Variants in CCSER1 observed in about 807,000 individuals in gnomAD.
The protein encoded by CCSER1 is coiled-coil serine rich protein 1, also known as serine-rich coiled-coil domain-containing protein 1.
CCSER1 carries 41 observed loss-of-function variants against 82.0 expected under a neutral mutation model. That is an observed-to-expected ratio of 0.50 (90% CI 0.39 to 0.65). The LOEUF is 0.65. Among genes scored for constraint, CCSER1 ranks in the 30% least tolerant of loss-of-function variants. The pLI is 0.00. For synonymous variants in CCSER1, 414 were observed against 383.9 expected (o/e 1.08, Z -0.92); for missense variants, 1,119 against 1,064.2 (o/e 1.05, Z -0.72).
chr4:90,262,081 AT>A (rs1183544730), intron 1 of CCSER1, among the ~76,000 whole-genome samples: 1 of 151,764 alleles, frequency 6.6e-6, no homozygotes, highest in Non-Finnish European at 1.5e-5. Context: ...AACCTTCTGA[AT>A]TTTTATTTGC....
chr4:90,251,586 G>A lies in CCSER1; in HGVS notation c.-41-56658G>A, dbSNP rs547662809. ...TCTGGAAAAATTCCACTTCCTCATG[G>A]TGTATGACCTTTTTATTATGTTGCT... is the stretch of plus-strand genomic sequence containing the variant. On this transcript the variant is annotated intron_variant, in intron 1 of 10. Coordinates refer to ENST00000509176, the MANE Select transcript of CCSER1 (RefSeq NM_001145065.2). Among the ~76,000 whole-genome samples the A allele has an allele frequency of 3.7e-4, 56 of 151,870 alleles. 3 individuals carry two copies. The South Asian group carries it at 0.011, about 29-fold the overall frequency.
At chr4:91,127,641 TTAAG>T (rs1229361474) in intron 10 of CCSER1, among the ~76,000 whole-genome samples, 4 of 152,106 alleles carry the variant, frequency 2.6e-5, no homozygotes, top group Admixed American at 1.3e-4. Flanking sequence ...AATTCCTTTA[TTAAG>T]TATTATACAG....
chr4:91,473,472 T>C (rs1757399071), intron 10 of CCSER1, among the ~76,000 whole-genome samples: 1 of 152,096 alleles, frequency 6.6e-6, no homozygotes. Flanking sequence ...GATTTCTTAG[T>C]CACAGGGGTG....
At chr4:91,196,047 T>G (rs1230809870) in intron 10 of CCSER1, among the ~76,000 whole-genome samples, 1 of 151,570 alleles carries the variant, frequency 6.6e-6, no homozygotes, top group East Asian at 1.9e-4. Flanking sequence ...ATTAGTCGGG[T>G]TCGGTGGCGG....
intron 6 of CCSER1, among the ~76,000 whole-genome samples, chr4:90,629,181 G>A (rs1252319177): frequency 6.6e-6 from 1 of 152,072 alleles, no homozygotes; most frequent in African/African-American, 2.4e-5. Flanking sequence ...TACCACTGGA[G>A]GCTAGAATTG....
chr4:91,595,962 A>C (rs1270406174), intron 10 of CCSER1, among the ~76,000 whole-genome samples: 3 of 151,232 alleles, frequency 2.0e-5, no homozygotes, highest in Non-Finnish European at 3.0e-5. Context: ...AAAAAAAAAA[A>C]AAAAACCAAG....
intron 7 of CCSER1, among the ~76,000 whole-genome samples, chr4:90,782,353 A>G (rs1249699819): frequency 6.6e-6 from 1 of 151,978 alleles, no homozygotes; most frequent in African/African-American, 2.4e-5. Flanking sequence ...TATTTATTGA[A>G]CTCCTTCTCT....
chr4:90,614,824 T>C (rs908680839), intron 5 of CCSER1, among the ~76,000 whole-genome samples: 5 of 152,110 alleles, frequency 3.3e-5, no homozygotes, highest in Non-Finnish European at 7.4e-5. Context: ...ACTGAGACCA[T>C]TGATGAAGGT....
intron 8 of CCSER1, among the ~76,000 whole-genome samples, chr4:90,841,489 A>G (rs1204713503): frequency 1.3e-5 from 2 of 151,198 alleles, no homozygotes; most frequent in Non-Finnish European, 2.9e-5. Context: ...GAGGCAGGAG[A>G]ATGGCTTGAA....
intron 10 of CCSER1, among the ~76,000 whole-genome samples, chr4:91,558,855 T>C (rs1762527071): frequency 6.6e-6 from 1 of 151,568 alleles, no homozygotes; most frequent in African/African-American, 2.4e-5. Flanking sequence ...GAGATTTGGG[T>C]GAGGACACAG....
rs113631267 is a variant in CCSER1 at position 90,815,526 on chromosome 4, A to ATGTGTGTGTGTGTGTGTG, written c.2011-232_2011-215dup. Among the ~76,000 whole-genome samples the ATGTGTGTGTGTGTGTGTG allele has an allele frequency of 3.7e-3, 561 of 150,690 alleles. 1 individual carries two copies. Among genetic ancestry groups the ATGTGTGTGTGTGTGTGTG allele is most frequent in the African/African-American group, 8.3e-3 (340 of 41,116 alleles). On this transcript the variant is annotated intron_variant, in intron 7 of 10. Transcript: ENST00000509176. Reference sequence around the variant, plus strand: ...TAAGCAAAAACATATGTGTGTGTGGATGTGTGTGTGTGTGTGTGTGTCTAC... The same window carrying ATGTGTGTGTGTGTGTGTG: ...TAAGCAAAAACATATGTGTGTGTGGATGTGTGTGTGTGTGTGTGTGTGTGTGTGTGTGTGTGTGTCTAC...
chr4:90,607,332 T>C (rs1271637491), intron 5 of CCSER1, among the ~76,000 whole-genome samples: 6 of 152,302 alleles, frequency 3.9e-5, no homozygotes, highest in Admixed American at 3.9e-4. Flanking sequence ...ATAAAAACTT[T>C]AAGGAAGGAG....
At chr4:90,963,984 TGTGTGATTTCCAGCA>T (rs753519302) in intron 9 of CCSER1, among the ~76,000 whole-genome samples, 108 of 152,320 alleles carry the variant, frequency 7.1e-4, no homozygotes, top group Non-Finnish European at 1.3e-3. Context: ...CTCACTAATT[TGTGTGATTTCCAGCA>T]GTTCATTATT....
intron 6 of CCSER1, among the ~76,000 whole-genome samples, chr4:90,697,416 TA>T (rs1737172910): frequency 6.6e-6 from 1 of 152,052 alleles, no homozygotes; most frequent in Non-Finnish European, 1.5e-5. Flanking sequence ...AAATACATAC[TA>T]AATGTAAACA....
intron 8 of CCSER1, among the ~76,000 whole-genome samples, chr4:90,901,020 T>C (rs1224457007): frequency 2.0e-5 from 3 of 152,016 alleles, no homozygotes; most frequent in Non-Finnish European, 4.4e-5. Context: ...AATTGAATCA[T>C]TTAGCATCAC....
chr4:90,411,126 TA>T (rs1754706619), intron 4 of CCSER1, among the ~76,000 whole-genome samples: 1 of 152,176 alleles, frequency 6.6e-6, no homozygotes, highest in Non-Finnish European at 1.5e-5. Context: ...ATTGAGGCAA[TA>T]ATTAATAGCC....
At chr4:91,475,257 C>G (rs373405056) in intron 10 of CCSER1, among the ~76,000 whole-genome samples, 1 of 151,526 alleles carries the variant, frequency 6.6e-6, no homozygotes, top group Admixed American at 6.6e-5. Flanking sequence ...TCCTTCAGAC[C>G]CTGAACATCA....
chr4:90,795,080 G>A (rs1755801830), intron 7 of CCSER1, among the ~76,000 whole-genome samples: 1 of 152,050 alleles, frequency 6.6e-6, no homozygotes, highest in African/African-American at 2.4e-5. Context: ...CACAAGGTCA[G>A]GAGTTCGAGA....
At chr4:91,432,838 T>A (rs1754410901) in intron 10 of CCSER1, among the ~76,000 whole-genome samples, 1 of 152,180 alleles carries the variant, frequency 6.6e-6, no homozygotes, top group African/African-American at 2.4e-5. Context: ...TTAATTTTTA[T>A]GTTATTTAAG....
Sources: allele counts gnomAD v4.1 joint callset (sites outside exome capture counted in the v4.1 genomes callset), GRCh38; gene constraint gnomAD v4.1.1; transcripts MANE v1.5; gene names NCBI Gene and HGNC (gene_info 2026-07-23, HGNC 2026-07-21).